ZBTB20: variants seen among roughly 807,000 people sequenced by gnomAD.
ZBTB20 encodes the protein zinc finger and BTB domain-containing protein 20.
In ZBTB20, 9 loss-of-function variants were observed where a neutral mutation model predicts 56.9. That is an observed-to-expected ratio of 0.16 (90% CI 0.10 to 0.28). ZBTB20 has a LOEUF of 0.28. ZBTB20 is among the 10% of genes least tolerant of loss of function. ZBTB20 has a pLI of 1.00. For synonymous variants in ZBTB20, 417 were observed against 420.7 expected, an observed-to-expected ratio of 0.99 and a Z score of 0.11; for missense variants, 655 against 1,003.0, an observed-to-expected ratio of 0.65 and a Z score of 4.69.
chr3:114,597,575 A>T (rs944098012), intron 6 of ZBTB20, among the ~76,000 whole-genome samples: 13 of 152,166 alleles, frequency 8.5e-5, no homozygotes, highest in Admixed American at 8.5e-4. Flanking sequence ...TCCACGTTTT[A>T]CATAAAGCGA....
rs553478317 is a variant in ZBTB20, at chr3:114,789,522, C to G, written c.-343+11579G>C. Among the ~76,000 whole-genome samples the G allele has an allele frequency of 1.6e-4, 25 of 152,082 alleles. 1 individual carries two copies. The highest frequency in any genetic ancestry group is 4.8e-4 in the African/African-American group (20 of 41,520). ...TTTAATATGCAGCTAGAATTAGGAA[C>G]CTCTGAGACAAAATGATCCTGAGTT... On this transcript the variant is annotated intron_variant, in intron 5 of 11. Transcript: ENST00000675478.
In ZBTB20 at chr3:114,330,345, CA is replaced by C. The variant is rs2079205868; in HGVS notation, c.*8659del. The C allele has an allele frequency of 6.6e-6, 1 of 152,050 alleles. No individual in the cohort carries two copies. The highest frequency in any genetic ancestry group is 1.5e-5 in the Non-Finnish European group (1 of 68,014). 9.4% of individuals were successfully genotyped at this position (152,050 alleles called of 1,614,324 possible). On this transcript the variant is annotated 3_prime_UTR_variant, in exon 12 of 12. Transcript: ENST00000675478. ...CATAATATTTCAATCAACTCATGAT[CA>C]TAGGCAGATTCAAAAGTTAAAATGA...
At chr3:114,378,221 TA>T in intron 10 of ZBTB20, among the ~76,000 whole-genome samples, 1 of 152,358 alleles carries the variant, frequency 6.6e-6, no homozygotes, top group African/African-American at 2.4e-5. Context: ...GAATCTTTCC[TA>T]AAAACAATTT....
intron 6 of ZBTB20, among the ~76,000 whole-genome samples, chr3:114,553,695 G>C (rs1222329689): frequency 6.6e-6 from 1 of 152,082 alleles, no homozygotes; most frequent in Non-Finnish European, 1.5e-5. Context: ...TTCTAGAGAA[G>C]TAAAGTCTAT....
intron 6 of ZBTB20, among the ~76,000 whole-genome samples, chr3:114,642,565 G>T (rs2059616344): frequency 6.6e-6 from 1 of 151,990 alleles, no homozygotes; most frequent in South Asian, 2.1e-4. Context: ...AGTAGTTACG[G>T]TACCACAAAA....
intron 4 of ZBTB20, among the ~76,000 whole-genome samples, chr3:114,844,860 C>CTTT (rs11396350): frequency 1.3e-4 from 17 of 130,412 alleles, no homozygotes; most frequent in African/African-American, 3.1e-4. Flanking sequence ...TTTTCTTTTT[C>CTTT]TTTTTTTTTT....
chr3:114,374,679 A>C (rs900091910), intron 10 of ZBTB20, among the ~76,000 whole-genome samples: 2 of 152,246 alleles, frequency 1.3e-5, no homozygotes, highest in Non-Finnish European at 1.5e-5. Flanking sequence ...GATTCCAGTT[A>C]GTTTAGACAC....
chr3:114,775,016 G>A (rs2069483764), intron 5 of ZBTB20, among the ~76,000 whole-genome samples: 1 of 152,072 alleles, frequency 6.6e-6, no homozygotes, highest in South Asian at 2.1e-4. Context: ...TGCACCTAGA[G>A]CTATAATTAT....
At chr3:114,499,206 C>T (rs1472751641) in intron 7 of ZBTB20, among the ~76,000 whole-genome samples, 1 of 152,112 alleles carries the variant, frequency 6.6e-6, no homozygotes, top group African/African-American at 2.4e-5. Flanking sequence ...TAGGACCCAC[C>T]CCTGTTGTAT....
At chr3:114,401,193 AT>A (rs62798360) in intron 7 of ZBTB20, among the ~76,000 whole-genome samples, 32,481 of 151,604 alleles carry the variant, frequency 0.21, 3,863 homozygotes, top group African/African-American at 0.32. Context: ...GCACAATTGA[AT>A]TTTTTTGTGT....
At chr3:114,348,684 G>T (rs2080392534) in intron 11 of ZBTB20, among the ~76,000 whole-genome samples, 1 of 152,152 alleles carries the variant, frequency 6.6e-6, no homozygotes, top group Non-Finnish European at 1.5e-5. Flanking sequence ...CTTAAGCAAC[G>T]TTCTGTTTCA....
chr3:114,496,945 C>T (rs1390246293), intron 7 of ZBTB20, among the ~76,000 whole-genome samples: 1 of 152,174 alleles, frequency 6.6e-6, no homozygotes. Context: ...CAGTAGGAGG[C>T]ACGCGAGCCT....
intron 1 of ZBTB20, among the ~76,000 whole-genome samples, chr3:115,110,148 G>A (rs2083833822): frequency 6.6e-6 from 1 of 151,908 alleles, no homozygotes; most frequent in Admixed American, 6.6e-5. Context: ...GGAGGCGGAG[G>A]TTGCAGTGAG....
chr3:114,354,642 C>T (rs916182038), intron 10 of ZBTB20, among the ~76,000 whole-genome samples: 5 of 135,674 alleles, frequency 3.7e-5, no homozygotes, highest in African/African-American at 1.4e-4. Context: ...AGTGCAGTGG[C>T]ACAATCTCAG....
At chr3:114,466,169 T>C (rs940438540) in intron 7 of ZBTB20, among the ~76,000 whole-genome samples, 2 of 152,184 alleles carry the variant, frequency 1.3e-5, no homozygotes, top group African/African-American at 4.8e-5. Flanking sequence ...ACTTAATATA[T>C]GAGTACATAT....
intron 6 of ZBTB20, among the ~76,000 whole-genome samples, chr3:114,514,060 G>A (rs1224417786): frequency 6.6e-6 from 1 of 152,002 alleles, no homozygotes; most frequent in Non-Finnish European, 1.5e-5. Flanking sequence ...TGGGACTTTT[G>A]AGATTTAAAA....
chr3:114,743,779 TC>T lies in ZBTB20; in HGVS notation c.-342-50205del, dbSNP rs1422109559. The T allele has an allele frequency of 2.0e-5, 3 of 152,546 alleles. No homozygotes were observed. The highest frequency in any genetic ancestry group is 6.6e-5 in the Admixed American group (1 of 15,266). The allele number at this position is 152,546 out of a possible 1,614,324, so 9.4% of individuals were successfully genotyped here. On this transcript the variant is annotated intron_variant, in intron 5 of 11. Transcript: ENST00000675478. The stretch of plus-strand genomic sequence containing the variant: ...TGTATCCACCTCCATGGGGTTGTTG[TC>T]TAAGAATAAAAGGAGATGGTCCATA...
intron 6 of ZBTB20, among the ~76,000 whole-genome samples, chr3:114,552,408 C>A (rs902422067): frequency 6.6e-6 from 1 of 151,388 alleles, no homozygotes; most frequent in Admixed American, 6.6e-5. Context: ...CCTTTTTGAG[C>A]TTTTTACTTG....
At chr3:114,622,865 T>C (rs2058414368) in intron 6 of ZBTB20, among the ~76,000 whole-genome samples, 1 of 152,186 alleles carries the variant, frequency 6.6e-6, no homozygotes, top group African/African-American at 2.4e-5. Context: ...AACATCTCTT[T>C]CCTAAAATTT....
Sources: gnomAD v4.1 joint callset for allele counts (sites outside exome capture counted in the v4.1 genomes callset) on GRCh38, gnomAD v4.1.1 for gene constraint, MANE v1.5 for transcripts, NCBI Gene and HGNC (gene_info 2026-07-23, HGNC 2026-07-21) for gene names.